DCDC2: variants seen among roughly 807,000 people sequenced by gnomAD.
DCDC2 encodes the protein doublecortin domain-containing protein 2.
In DCDC2, 40 loss-of-function variants were observed where a neutral mutation model predicts 50.2. The ratio of observed to expected loss-of-function variants is 0.80; its 90% confidence interval spans 0.62 to 1.04. The LOEUF (loss-of-function observed/expected upper bound fraction) is 1.04, where lower values mean the gene tolerates loss of function less well. Ranked by LOEUF, DCDC2 falls within the 50% of genes least tolerant of loss-of-function variation. The pLI, the probability that DCDC2 is intolerant of heterozygous loss-of-function variation, is 0.00. For missense variants in DCDC2, 570 were observed against 581.9 expected (o/e 0.98, Z 0.21); for synonymous variants, 234 against 210.6 (o/e 1.11, Z -0.96).
intron 7 of DCDC2, among the ~76,000 whole-genome samples, chr6:24,224,497 T>C (rs1195433577): frequency 5.9e-5 from 9 of 152,202 alleles, no homozygotes; most frequent in Admixed American, 5.9e-4. Context: ...ACTGAAGCAC[T>C]TGGTGAGCGT....
At chr6:24,366,487 T>C in the DCDC2 span, among the ~76,000 whole-genome samples, 4 of 152,218 alleles carry the variant, frequency 2.6e-5, no homozygotes, top group Non-Finnish European at 5.9e-5. Context: ...AGAGCTTCTA[T>C]TTTCTCTGTG....
At chr6:24,243,880 A>G (rs141984469) in intron 7 of DCDC2, among the ~76,000 whole-genome samples, 1 of 152,314 alleles carries the variant, frequency 6.6e-6, no homozygotes, top group East Asian at 1.9e-4. Context: ...ATGAACAAAC[A>G]TGAGGGTCTA....
chr6:24,371,463 C>A, the DCDC2 span, among the ~76,000 whole-genome samples: 2 of 151,988 alleles, frequency 1.3e-5, no homozygotes, highest in African/African-American at 4.8e-5. Context: ...AAAAAATTAG[C>A]CGGGTGTGGT....
At chr6:24,376,475 G>A in the DCDC2 span, among the ~76,000 whole-genome samples, 4 of 152,110 alleles carry the variant, frequency 2.6e-5, no homozygotes, top group African/African-American at 7.2e-5. Context: ...GAGCAGTAGA[G>A]GCAGAAGCAG....
chr6:24,301,471 A>C (rs555479551), intron 4 of DCDC2, among the ~76,000 whole-genome samples: 1 of 152,264 alleles, frequency 6.6e-6, no homozygotes, highest in African/African-American at 2.4e-5. Context: ...CAAAGAATAA[A>C]AATCGTTAAT....
At chr6:24,275,866 A>T (rs1341131821) in intron 7 of DCDC2, among the ~76,000 whole-genome samples, 15 of 108,116 alleles carry the variant, frequency 1.4e-4, no homozygotes, top group African/African-American at 4.4e-4. Context: ...CAATAATTCA[A>T]TTTTTTTTTT....
At chr6:24,339,947 G>C (rs770774304) in intron 2 of DCDC2, among the ~76,000 whole-genome samples, 17 of 152,200 alleles carry the variant, frequency 1.1e-4, no homozygotes, top group Non-Finnish European at 1.9e-4. Context: ...ATTATCATTT[G>C]AATATGATTA....
chr6:24,338,301 C>T (rs1305777158), intron 2 of DCDC2, among the ~76,000 whole-genome samples: 2 of 152,056 alleles, frequency 1.3e-5, no homozygotes, highest in Non-Finnish European at 1.5e-5. Flanking sequence ...TTTAGGCTGG[C>T]TCAATATTCA....
intron 7 of DCDC2, among the ~76,000 whole-genome samples, chr6:24,229,533 C>T (rs1378030478): frequency 1.3e-5 from 2 of 151,914 alleles, no homozygotes; most frequent in Admixed American, 6.6e-5. Flanking sequence ...CTTTGGGGGC[C>T]GTTATTTTGC....
Position 24,203,023 on chromosome 6 carries a change from A to G in DCDC2, c.1023+1979T>C, listed in dbSNP as rs561679699. On this transcript the variant is annotated intron_variant, in intron 8 of 9. Transcript: ENST00000378454. ...ATGGAAAAACATTCCATTCTTGTGG[A>G]TAGGAAGAATTGATATTGTGAAAAT... Among the ~76,000 whole-genome samples, 6 of 152,284 alleles carry G rather than the reference A, an allele frequency of 3.9e-5. No individual in the cohort carries two copies. The East Asian group carries it at 9.6e-4, about 24-fold the overall frequency.
Position 24,182,346 on chromosome 6 carries a change from G to A in DCDC2, c.1024-3714C>T, listed in dbSNP as rs550820270. Among the ~76,000 whole-genome samples, 4 of 152,072 alleles carry A rather than the reference G, an allele frequency of 2.6e-5. No individual in the cohort carries two copies. In the South Asian group the frequency reaches 8.3e-4, roughly 32 times the overall value. On this transcript the variant is annotated intron_variant, in intron 8 of 9. Coordinates refer to ENST00000378454, the MANE Select transcript of DCDC2 (RefSeq NM_016356.5). ...AATTTTAAAATTTTGTACATCAAAA[G>A]ACAATACCAACAGAGTAAAAAGGCA...
At chr6:24,297,648 ATTAC>A (rs1759281810) in intron 4 of DCDC2, among the ~76,000 whole-genome samples, 1 of 151,946 alleles carries the variant, frequency 6.6e-6, no homozygotes, top group Non-Finnish European at 1.5e-5. Context: ...TGTCCTTTTT[ATTAC>A]TTATAGGGTG....
At chr6:24,309,279 C>A (rs1283287446) in intron 2 of DCDC2, among the ~76,000 whole-genome samples, 1 of 144,312 alleles carries the variant, frequency 6.9e-6, no homozygotes, top group Non-Finnish European at 1.5e-5. Context: ...GAGACGAGAT[C>A]ACGCCATTGC....
chr6:24,243,311 G>A (rs1762603221), intron 7 of DCDC2, among the ~76,000 whole-genome samples: 1 of 152,178 alleles, frequency 6.6e-6, no homozygotes, highest in Non-Finnish European at 1.5e-5. Flanking sequence ...TGGGATGGAT[G>A]CCAAAGTCAG....
intron 8 of DCDC2, among the ~76,000 whole-genome samples, chr6:24,195,172 T>C (rs144250540): frequency 3.9e-5 from 6 of 152,216 alleles, no homozygotes; most frequent in Non-Finnish European, 8.8e-5. Flanking sequence ...TGCCACAGTT[T>C]CATGGGTGCT....
intron 4 of DCDC2, among the ~76,000 whole-genome samples, chr6:24,294,405 A>G (rs1056346517): frequency 6.6e-6 from 1 of 152,122 alleles, no homozygotes; most frequent in African/African-American, 2.4e-5. Context: ...AACACAACTA[A>G]AAGAACTAAA....
chr6:24,336,891 C>T (rs1195585658), intron 2 of DCDC2, among the ~76,000 whole-genome samples: 3 of 152,132 alleles, frequency 2.0e-5, no homozygotes, highest in African/African-American at 7.2e-5. Flanking sequence ...GAGCTAAACA[C>T]ATACCTATAT....
chr6:24,295,246 G>A (rs1186835942), intron 4 of DCDC2, among the ~76,000 whole-genome samples: 1 of 152,158 alleles, frequency 6.6e-6, no homozygotes. Context: ...AATAGATGCA[G>A]AAAAGGCTTT....
chr6:24,181,503 A>G (rs981395805), intron 8 of DCDC2, among the ~76,000 whole-genome samples: 5 of 152,190 alleles, frequency 3.3e-5, no homozygotes, highest in African/African-American at 9.7e-5. Flanking sequence ...AGGAGAATAC[A>G]TCACACATGA....
Sources: gnomAD v4.1 joint callset for allele counts (sites outside exome capture counted in the v4.1 genomes callset) on GRCh38, gnomAD v4.1.1 for gene constraint, MANE v1.5 for transcripts, NCBI Gene and HGNC (gene_info 2026-07-23, HGNC 2026-07-21) for gene names.